The following COMMD1 variants were observed in gnomAD, a reference collection of about 807,000 sequenced individuals.
The protein encoded by COMMD1 is copper metabolism domain containing 1.
A neutral mutation model predicts 17.2 loss-of-function variants in COMMD1; 10 were observed. The observed-to-expected ratio is 0.58, with a 90% CI of 0.36 to 0.99. The LOEUF (loss-of-function observed/expected upper bound fraction) is 0.99, where lower values mean the gene tolerates loss of function less well. Ranked by LOEUF, COMMD1 falls within the 50% of genes least tolerant of loss-of-function variation. The pLI, the probability that COMMD1 is intolerant of heterozygous loss-of-function variation, is 0.01. For missense variants in COMMD1, 270 were observed against 231.8 expected, an observed-to-expected ratio of 1.17 and a Z score of -1.07; for synonymous variants, 97 against 91.6, an observed-to-expected ratio of 1.06 and a Z score of -0.34.
At chr2:62,084,359 CTATAT>C (rs1038104014) in intron 2 of COMMD1, among the ~76,000 whole-genome samples, 1 of 151,950 alleles carries the variant, frequency 6.6e-6, no homozygotes, top group African/African-American at 2.4e-5. Flanking sequence ...GTATTATATA[CTATAT>C]TATAATAAAG....
chr2:61,901,444 G>T (rs189015379), upstream of COMMD1, among the ~76,000 whole-genome samples: 816 of 151,916 alleles, frequency 5.4e-3, 2 homozygotes, highest in African/African-American at 0.018. Flanking sequence ...CCAAGATGGT[G>T]AAACCTTATC....
intron 2 of COMMD1, among the ~76,000 whole-genome samples, chr2:62,021,554 A>G (rs1048093663): frequency 6.6e-6 from 1 of 152,256 alleles, no homozygotes; most frequent in African/African-American, 2.4e-5. Flanking sequence ...AAGTATTGAC[A>G]GTGGCCTGGC....
rs1670646352 is a variant in COMMD1 at position 62,054,881 on chromosome 2, A to G, written c.462+53899A>G. 2.0e-5 allele frequency among the ~76,000 whole-genome samples: 3 copies of G among 152,342 alleles called. No individual in the cohort carries two copies. The South Asian group carries it at 6.2e-4, about 32-fold the overall frequency. On this transcript the variant is annotated intron_variant, in intron 2 of 2. Coordinates refer to ENST00000311832, the MANE Select transcript of COMMD1 (RefSeq NM_152516.4). Reference sequence around the variant, plus strand: ...TGGTACAAATAAAAAGGAAAAAAATAGCTCATAGGAGCACAAACCCTATTG... The same window carrying G: ...TGGTACAAATAAAAAGGAAAAAAATGGCTCATAGGAGCACAAACCCTATTG...
At chr2:62,113,824 A>G (rs1447814994) in intron 2 of COMMD1, among the ~76,000 whole-genome samples, 1 of 152,268 alleles carries the variant, frequency 6.6e-6, no homozygotes, top group East Asian at 1.9e-4. Flanking sequence ...CCTTTGCTCT[A>G]TAAATGGCAG....
intron 1 of COMMD1, among the ~76,000 whole-genome samples, chr2:61,961,117 G>A (rs1026546622): frequency 6.6e-5 from 10 of 152,190 alleles, no homozygotes; most frequent in African/African-American, 2.4e-4. Flanking sequence ...GAAGTTTTTG[G>A]TGTTGCCTAA....
intron 2 of COMMD1, among the ~76,000 whole-genome samples, chr2:62,127,904 C>T (rs941432602): frequency 7.2e-5 from 11 of 151,976 alleles, no homozygotes; most frequent in Non-Finnish European, 1.5e-4. Context: ...TGCCTGTAGT[C>T]CCAGCTACTC....
At chr2:62,097,141 G>T (rs560280908) in intron 2 of COMMD1, among the ~76,000 whole-genome samples, 3 of 152,306 alleles carry the variant, frequency 2.0e-5, no homozygotes, top group African/African-American at 7.2e-5. Flanking sequence ...GAACAACAGG[G>T]TGTCTAGGAA....
At chr2:61,956,750 G>GT (rs1671208042) in intron 1 of COMMD1, among the ~76,000 whole-genome samples, 1 of 149,932 alleles carries the variant, frequency 6.7e-6, no homozygotes, top group Admixed American at 6.7e-5. Flanking sequence ...AGTTTTTTTT[G>GT]TTTGTTTGTT....
At chr2:62,058,704 A>C (rs745559395) in intron 2 of COMMD1, among the ~76,000 whole-genome samples, 1 of 151,828 alleles carries the variant, frequency 6.6e-6, no homozygotes, top group Non-Finnish European at 1.5e-5. Flanking sequence ...GTGCTACTAC[A>C]CTCAGCCTAG....
chr2:62,045,142 G>A (rs906109324), intron 2 of COMMD1, among the ~76,000 whole-genome samples: 1 of 152,128 alleles, frequency 6.6e-6, no homozygotes, highest in Non-Finnish European at 1.5e-5. Flanking sequence ...GGTGGATGGG[G>A]GCTAGGGAAT....
At chr2:61,920,979 A>ATTTTTT (rs1239695346) in intron 1 of COMMD1, among the ~76,000 whole-genome samples, 1 of 131,128 alleles carries the variant, frequency 7.6e-6, no homozygotes, top group African/African-American at 3.1e-5. Flanking sequence ...ATATATATAT[A>ATTTTTT]TATTTTTTTT....
intron 1 of COMMD1, among the ~76,000 whole-genome samples, chr2:61,916,622 T>C (rs1670058461): frequency 6.6e-6 from 1 of 151,678 alleles, no homozygotes; most frequent in Non-Finnish European, 1.5e-5. Flanking sequence ...CGACAGGGTC[T>C]CCCTATGTTG....
rs533982545 is a variant in COMMD1, at chr2:62,128,474, A to C, written c.463-7357A>C. The stretch of plus-strand genomic sequence containing the variant: ...CAAAGATTTCATGACGAAATCACCA[A>C]AAGCAATTGAAACGAAAGCAAAAAT... On this transcript the variant is annotated intron_variant, in intron 2 of 2. Transcript: ENST00000311832. Among the ~76,000 whole-genome samples the C allele has an allele frequency of 3.9e-5, 6 of 152,298 alleles. No homozygotes were observed. In the East Asian group the frequency reaches 1.2e-3, roughly 29 times the overall value.
At chr2:62,086,663 T>C (rs1671677952) in intron 2 of COMMD1, among the ~76,000 whole-genome samples, 3 of 152,156 alleles carry the variant, frequency 2.0e-5, no homozygotes, top group African/African-American at 7.2e-5. Context: ...CACACTACCA[T>C]TTATTATTTA....
At chr2:62,101,605 GTC>G (rs376021160) in intron 2 of COMMD1, among the ~76,000 whole-genome samples, 5 of 151,112 alleles carry the variant, frequency 3.3e-5, no homozygotes, top group African/African-American at 9.8e-5. Flanking sequence ...ACAAGACCCT[GTC>G]TCTCTCTCTC....
intron 1 of COMMD1, among the ~76,000 whole-genome samples, chr2:61,979,623 G>A (rs560883294): frequency 4.6e-5 from 7 of 152,254 alleles, no homozygotes; most frequent in African/African-American, 1.7e-4. Flanking sequence ...AGTTTTTTGA[G>A]GAACTCCAAA....
chr2:62,106,879 A>G (rs909374309), intron 2 of COMMD1, among the ~76,000 whole-genome samples: 2 of 152,216 alleles, frequency 1.3e-5, no homozygotes, highest in African/African-American at 4.8e-5. Context: ...AAGGGTGGAG[A>G]AAAATATTAA....
At chr2:62,032,860 C>T (rs1292519377) in intron 2 of COMMD1, among the ~76,000 whole-genome samples, 2 of 152,076 alleles carry the variant, frequency 1.3e-5, no homozygotes, top group African/African-American at 2.4e-5. Context: ...ATCCTCCACC[C>T]TCCAGGTTCA....
At chr2:62,058,188 G>A (rs930980644) in intron 2 of COMMD1, among the ~76,000 whole-genome samples, 1 of 152,118 alleles carries the variant, frequency 6.6e-6, no homozygotes, top group Non-Finnish European at 1.5e-5. Context: ...AATATATTTT[G>A]TGAAGTTGTT....
Sources: gnomAD v4.1 joint callset for allele counts (sites outside exome capture counted in the v4.1 genomes callset) on GRCh38, gnomAD v4.1.1 for gene constraint, MANE v1.5 for transcripts, NCBI Gene and HGNC (gene_info 2026-07-23, HGNC 2026-07-21) for gene names.